The following BMP2K variants were observed in gnomAD, a reference collection of about 807,000 sequenced individuals.
The protein encoded by BMP2K is BMP2 inducible kinase, also known as BMP-2-inducible protein kinase.
A neutral mutation model predicts 116.0 loss-of-function variants in BMP2K; 74 were observed. The observed-to-expected ratio is 0.64, with a 90% confidence interval of 0.53 to 0.77. The LOEUF (loss-of-function observed/expected upper bound fraction) is 0.77, where lower values mean the gene tolerates loss of function less well. Ranked by LOEUF, BMP2K falls within the 30% of genes least tolerant of loss-of-function variation. The pLI is 0.00. For missense variants in BMP2K, 1,365 were observed against 1,403.6 expected (o/e 0.97, Z 0.44); for synonymous variants, 486 against 502.5 (o/e 0.97, Z 0.44).
intron 7 of BMP2K, among the ~76,000 whole-genome samples, chr4:78,852,337 T>C (rs1006783871): frequency 6.6e-6 from 1 of 152,132 alleles, no homozygotes; most frequent in Non-Finnish European, 1.5e-5. Flanking sequence ...ATTGCTAGTA[T>C]AAATTTAATC....
At chr4:78,856,608 T>C (rs556435532) in intron 7 of BMP2K, among the ~76,000 whole-genome samples, 1 of 152,254 alleles carries the variant, frequency 6.6e-6, no homozygotes, top group Non-Finnish European at 1.5e-5. Context: ...TTAGGTATGA[T>C]TATTCATCTT....
At chr4:78,837,197 CT>C (rs371631389) in intron 3 of BMP2K, among the ~76,000 whole-genome samples, 2,912 of 147,770 alleles carry the variant, frequency 0.02, 94 homozygotes, top group African/African-American at 0.068. Context: ...GGACTCTTTT[CT>C]TTTTTTTTTG....
chr4:78,834,943 G>A (rs1730396772), intron 3 of BMP2K, among the ~76,000 whole-genome samples: 1 of 152,124 alleles, frequency 6.6e-6, no homozygotes, highest in Admixed American at 6.5e-5. Context: ...ATAAAGTACT[G>A]TACTGTGATC....
chr4:78,824,958 T>C (rs1333088015), intron 1 of BMP2K, among the ~76,000 whole-genome samples: 1 of 152,098 alleles, frequency 6.6e-6, no homozygotes, highest in Non-Finnish European at 1.5e-5. Context: ...TCCCAGCACT[T>C]TGGGGGGACA....
intron 1 of BMP2K, among the ~76,000 whole-genome samples, chr4:78,796,459 C>G (rs1048889481): frequency 6.6e-6 from 1 of 151,526 alleles, no homozygotes; most frequent in Admixed American, 6.6e-5. Context: ...GTGGGTGCAG[C>G]GCACCAGCAT....
chr4:78,872,887 G>A lies in BMP2K; in HGVS notation c.1793+89G>A, dbSNP rs535059284. 25 of 1,348,224 alleles carry A rather than the reference G, an allele frequency of 1.9e-5. No homozygotes were observed. In the East Asian group the frequency reaches 3.7e-4, roughly 20 times the overall value. 83.5% of individuals were successfully genotyped at this position (1,348,224 alleles called of 1,614,324 possible). A position where few individuals can be genotyped will look rare whatever the true frequency, so the allele number is the denominator to read the frequency against. ...TCGGTCATTAAGTTCTCTTAAATTAGTTTAGAATTTATCTTTCTGTAGAGC... is the reference window on the plus strand; with the variant it reads ...TCGGTCATTAAGTTCTCTTAAATTAATTTAGAATTTATCTTTCTGTAGAGC... On this transcript the variant is annotated intron_variant, in intron 13 of 15. Coordinates refer to ENST00000502613, the MANE Select transcript of BMP2K (RefSeq NM_198892.2).
At chr4:78,850,708 C>T (rs2110032818) in intron 6 of BMP2K, among the ~76,000 whole-genome samples, 1 of 151,930 alleles carries the variant, frequency 6.6e-6, no homozygotes, top group Middle Eastern at 3.4e-3. Context: ...ACCATTAATT[C>T]AGCCAACTAG....
At chr4:78,878,293 G>A (rs1477147342) in intron 13 of BMP2K, among the ~76,000 whole-genome samples, 1 of 152,164 alleles carries the variant, frequency 6.6e-6, no homozygotes, top group Non-Finnish European at 1.5e-5. Flanking sequence ...TTAGAGTGAT[G>A]CTGTCTGATA....
chr4:78,853,395 T>C (rs546630956), intron 7 of BMP2K, among the ~76,000 whole-genome samples: 68 of 152,308 alleles, frequency 4.5e-4, no homozygotes, highest in African/African-American at 1.5e-3. Flanking sequence ...GTCAAATATT[T>C]AGAACTTTTC....
At chr4:78,834,629 TG>T (rs1474603362) in intron 3 of BMP2K, among the ~76,000 whole-genome samples, 6 of 152,222 alleles carry the variant, frequency 3.9e-5, no homozygotes, top group Non-Finnish European at 8.8e-5. Flanking sequence ...AAGCCATATT[TG>T]GCACTTGTGG....
At chr4:78,818,790 GT>G (rs373252130) in intron 1 of BMP2K, among the ~76,000 whole-genome samples, 4,513 of 129,388 alleles carry the variant, frequency 0.035, 172 homozygotes, top group African/African-American at 0.11. Flanking sequence ...ATGAAGCAGT[GT>G]TTTTTTTTTT....
chr4:78,865,538 A>G lies in BMP2K; in HGVS notation c.1068-19A>G, dbSNP rs754432246. On this transcript the variant is annotated intron_variant, in intron 9 of 15. Transcript: ENST00000502613. ...AAATAATCCCAGTATTTAGAATGAAATATATTCTTCTGTTGTAGAATAACA... is the reference window on the plus strand; with the variant it reads ...AAATAATCCCAGTATTTAGAATGAAGTATATTCTTCTGTTGTAGAATAACA... 4 of 1,607,942 alleles carry G rather than the reference A, an allele frequency of 2.5e-6. No homozygotes were observed. The South Asian group carries it at 3.3e-5, about 13-fold the overall frequency.
chr4:78,872,820 G>A (rs760184795), intron 13 of BMP2K, 22 bp downstream of exon 13: 2 of 1,602,016 alleles, frequency 1.2e-6, no homozygotes, highest in South Asian at 2.2e-5. Flanking sequence ...TCCAGTGAAA[G>A]CAAAGGAAAT....
intron 1 of BMP2K, among the ~76,000 whole-genome samples, chr4:78,816,376 T>C (rs1729353467): frequency 6.6e-6 from 1 of 152,192 alleles, no homozygotes; most frequent in Non-Finnish European, 1.5e-5. Context: ...TATTAACCTT[T>C]CATCTATGAT....
At chr4:78,786,128 T>TCATATGTTGAAATCCCAA (rs1727713482) in intron 1 of BMP2K, among the ~76,000 whole-genome samples, 2 of 152,104 alleles carry the variant, frequency 1.3e-5, no homozygotes, top group South Asian at 4.1e-4. Flanking sequence ...CTCCCGCAAT[T>TCATATGTTGAAATCCCAA]CATATGTTGA....
chr4:78,824,809 T>C (rs1415651234), intron 1 of BMP2K, among the ~76,000 whole-genome samples: 2 of 152,198 alleles, frequency 1.3e-5, no homozygotes, highest in Non-Finnish European at 2.9e-5. Flanking sequence ...AAGATAAATT[T>C]TAAAAACTTC....
chr4:78,891,427 T>C (rs1473508518), intron 15 of BMP2K, among the ~76,000 whole-genome samples: 15 of 152,200 alleles, frequency 9.9e-5, no homozygotes, highest in African/African-American at 1.2e-4. Context: ...TGGAAACTTG[T>C]ATTTTCTTGC....
At chr4:78,831,902 T>C (rs1024014543) in intron 2 of BMP2K, among the ~76,000 whole-genome samples, 6 of 152,096 alleles carry the variant, frequency 3.9e-5, no homozygotes, top group African/African-American at 1.4e-4. Flanking sequence ...TTCATCCTCT[T>C]TTCTCTTTCT....
intron 7 of BMP2K, chr4:78,859,234 A>G (rs556946756): frequency 4.8e-4 from 81 of 168,954 alleles, no homozygotes; most frequent in African/African-American, 1.7e-3. Flanking sequence ...GAATAGAATT[A>G]TCTTGAAGGA....
Sources: gnomAD v4.1 joint callset for allele counts (sites outside exome capture counted in the v4.1 genomes callset) on GRCh38, gnomAD v4.1.1 for gene constraint, MANE v1.5 for transcripts, NCBI Gene and HGNC (gene_info 2026-07-23, HGNC 2026-07-21) for gene names.